Variants in VWA2 observed in about 807,000 individuals in gnomAD.
VWA2 encodes von Willebrand factor A domain-containing protein 2.
Under a neutral mutation model 70.4 loss-of-function variants are expected in VWA2, and 73 were observed. The observed-to-expected ratio is 1.04, with a 90% CI of 0.86 to 1.26. The LOEUF (loss-of-function observed/expected upper bound fraction) is 1.26. VWA2 is among the 50% of genes most tolerant of loss of function. The pLI, the probability that VWA2 is intolerant of heterozygous loss-of-function variation, is 0.00. For synonymous variants in VWA2, 407 were observed against 423.3 expected (o/e 0.96, Z 0.47); for missense variants, 1,011 against 998.5 (o/e 1.01, Z -0.17).
intron 5 of VWA2, among the ~76,000 whole-genome samples, chr10:114,265,716 A>G (rs1413307102): frequency 1.3e-5 from 2 of 152,236 alleles, no homozygotes; most frequent in Non-Finnish European, 2.9e-5. Context: ...GAGACACACT[A>G]AGATTGAGGA....
intron 5 of VWA2, among the ~76,000 whole-genome samples, chr10:114,270,642 A>G (rs1385692714): frequency 6.6e-6 from 1 of 152,214 alleles, no homozygotes; most frequent in African/African-American, 2.4e-5. Flanking sequence ...GGAGCCCTGG[A>G]GGAACACTCT....
intron 6 of VWA2, among the ~76,000 whole-genome samples, 162 bp downstream of exon 6, chr10:114,273,096 C>T (rs1287593445): frequency 1.3e-5 from 2 of 152,162 alleles, no homozygotes; most frequent in Admixed American, 6.5e-5. Flanking sequence ...ACAGGAAGCT[C>T]CAATCTTTTG....
intron 1 of VWA2, among the ~76,000 whole-genome samples, chr10:114,240,100 C>G (rs1441561227): frequency 6.6e-6 from 1 of 152,200 alleles, no homozygotes; most frequent in East Asian, 1.9e-4. Context: ...ACGAGTGCCC[C>G]CAGCGAAGTG....
intron 10 of VWA2, 83 bp downstream of exon 10, chr10:114,285,053 G>C: frequency 8.6e-7 from 1 of 1,159,734 alleles, no homozygotes; most frequent in South Asian, 1.7e-5. Context: ...CGCCCTTCCA[G>C]CTGCTGGGTA....
Position 114,254,928 on chromosome 10 carries a change from G to A in VWA2, c.141G>A (p.Ser47=). ...CGCTCTCCCTAGTGATGTGGTGCTC[G>A]GCTGCAGTGGACATCATGTTTCTGT... ...ISAASKMMWC[S]AAVDIMFLLD... is the part of the protein sequence containing the mutation. Residue 47 remains serine, a synonymous_variant, in exon 4 of 14, where the codon TCG becomes TCA. Transcript: ENST00000392982. 3 of 1,613,356 alleles carry A rather than the reference G, an allele frequency of 1.9e-6. No individual in the cohort carries two copies. Among genetic ancestry groups the A allele is most frequent in the South Asian group, 1.1e-5 (1 of 91,056 alleles).
At position 114,248,721 on chromosome 10, in the gene VWA2, C is replaced by G; in HGVS notation, c.8C>G (p.Pro3Arg). The change falls in exon 2 of 14, where the codon CCT (proline) becomes CGT (arginine). Residue 3 changes from proline (P) to arginine (R), a missense_variant. Pro to Arg is a moderately radical substitution (Grantham distance 103, BLOSUM62 -2). Coordinates refer to ENST00000392982, the MANE Select transcript of VWA2 (RefSeq NM_001272046.2). The stretch of plus-strand genomic sequence containing the variant: ...CCCTGTAGTTATATCAACATGCCCC[C>G]TTTCCTGTTGCTGGAAGCCGTCTGT... MPPFLLLEAVCVF... is the reference protein window; with the variant it reads MPRFLLLEAVCVF... 6.2e-7 allele frequency: 1 copy of G among 1,613,602 alleles called. No homozygotes were observed.
At chr10:114,264,443 A>T (rs981508428) in intron 5 of VWA2, among the ~76,000 whole-genome samples, 1 of 151,512 alleles carries the variant, frequency 6.6e-6, no homozygotes, top group African/African-American at 2.4e-5. Context: ...TTTGAGATGG[A>T]GTCTTGCTCT....
intron 9 of VWA2, 130 bp downstream of exon 9, chr10:114,282,701 C>T: frequency 1.4e-6 from 1 of 739,148 alleles, no homozygotes; most frequent in South Asian, 1.5e-5. Context: ...GGATGGGGCA[C>T]TTGGGGGGCA....
chr10:114,275,128 G>A (rs893989284), intron 6 of VWA2, among the ~76,000 whole-genome samples: 10 of 152,126 alleles, frequency 6.6e-5, no homozygotes, highest in Non-Finnish European at 1.5e-5. Flanking sequence ...AGGTAGTGGG[G>A]ACAGGGAGAG....
intron 11 of VWA2, among the ~76,000 whole-genome samples, chr10:114,288,594 A>G (rs1403535676): frequency 6.6e-6 from 1 of 152,198 alleles, no homozygotes; most frequent in African/African-American, 2.4e-5. Flanking sequence ...GTCCAAGGTC[A>G]CCATTTCTCA....
chr10:114,261,148 C>T lies in VWA2; in HGVS notation c.262-38C>T, dbSNP rs1400999131. ...TTCCTCTTAGGAATGTTTTTGACTC[C>T]AGTCTCGGGGCCCTGAGCCCCCTGT... is the stretch of plus-strand genomic sequence containing the variant. On this transcript the variant is annotated intron_variant, in intron 4 of 13. Transcript: ENST00000392982. 4.1e-6 allele frequency: 6 copies of T among 1,480,774 alleles called. No individual in the cohort carries two copies. The East Asian group carries it at 6.9e-5, about 17-fold the overall frequency. 91.7% of individuals were successfully genotyped at this position (1,480,774 alleles called of 1,614,324 possible). A position where few individuals can be genotyped will look rare whatever the true frequency, so the allele number is the denominator to read the frequency against.
At chr10:114,256,211 G>C (rs2037324208) in intron 4 of VWA2, among the ~76,000 whole-genome samples, 1 of 152,200 alleles carries the variant, frequency 6.6e-6, no homozygotes, top group Non-Finnish European at 1.5e-5. Flanking sequence ...AGGCAATCCA[G>C]ATGTACGCTG....
chr10:114,257,159 G>A (rs1275914887), intron 4 of VWA2, among the ~76,000 whole-genome samples: 1 of 152,076 alleles, frequency 6.6e-6, no homozygotes, highest in Non-Finnish European at 1.5e-5. Flanking sequence ...AGACCACCTT[G>A]CACCTGAGGA....
In VWA2 at chr10:114,286,517, G is replaced by C. The variant is rs754608916; in HGVS notation, c.1570+6G>C. ...GTGCAGCCGGCAGCGGCCAGGTAAG[G>C]TCCCAGTGCCTGACCCAGGACCGCT... On this transcript the variant is annotated splice_donor_region_variant and intron_variant, in intron 11 of 13. Transcript: ENST00000392982. The C allele has an allele frequency of 1.5e-5, 24 of 1,555,194 alleles. No individual in the cohort carries two copies. The Admixed American group carries it at 3.8e-4, about 25-fold the overall frequency.
At chr10:114,250,458 C>T (rs980872685) in intron 2 of VWA2, among the ~76,000 whole-genome samples, 1 of 152,216 alleles carries the variant, frequency 6.6e-6, no homozygotes, top group Non-Finnish European at 1.5e-5. Context: ...GGCGGCCAAG[C>T]TGTCACAGCC....
At chr10:114,249,785 A>C (rs989321942) in intron 2 of VWA2, among the ~76,000 whole-genome samples, 1 of 152,156 alleles carries the variant, frequency 6.6e-6, no homozygotes, top group African/African-American at 2.4e-5. Flanking sequence ...CGGCCATTTC[A>C]AAATGCAAAT....
At chr10:114,272,253 C>T (rs1226192439) in intron 5 of VWA2, among the ~76,000 whole-genome samples, 1 of 152,210 alleles carries the variant, frequency 6.6e-6, no homozygotes, top group African/African-American at 2.4e-5. Flanking sequence ...TGGACATGGC[C>T]CACAAAGGCC....
At chr10:114,241,363 A>G (rs187594010) in intron 1 of VWA2, among the ~76,000 whole-genome samples, 18 of 152,320 alleles carry the variant, frequency 1.2e-4, no homozygotes, top group Non-Finnish European at 5.9e-5. Context: ...TCTTCTGTGC[A>G]TCCCACCCTC....
chr10:114,258,820 C>T (rs1174109060), intron 4 of VWA2, among the ~76,000 whole-genome samples: 1 of 152,210 alleles, frequency 6.6e-6, no homozygotes, highest in Non-Finnish European at 1.5e-5. Context: ...TCTCTTATTA[C>T]ACAAAGCGTA....
Sources: gnomAD v4.1 joint callset for allele counts (sites outside exome capture counted in the v4.1 genomes callset) on GRCh38, gnomAD v4.1.1 for gene constraint, MANE v1.5 for transcripts, NCBI Gene and HGNC (gene_info 2026-07-23, HGNC 2026-07-21) for gene names.